Variants in OLA1 observed in about 807,000 individuals in gnomAD.
The protein encoded by OLA1 is Obg like ATPase 1.
OLA1 carries 14 observed loss-of-function variants against 48.4 expected under a neutral mutation model. That is an observed-to-expected ratio of 0.29 (90% confidence interval 0.19 to 0.45). The LOEUF (loss-of-function observed/expected upper bound fraction) is 0.45, where lower values mean the gene tolerates loss of function less well. Ranked by LOEUF, OLA1 falls within the 20% of genes least tolerant of loss-of-function variation. The pLI is 1.00. For missense variants in OLA1, 325 were observed against 467.1 expected, an observed-to-expected ratio of 0.70 and a Z score of 2.80; for synonymous variants, 127 against 150.4, an observed-to-expected ratio of 0.84 and a Z score of 1.14.
At position 174,075,136 on chromosome 2, in the gene OLA1, G is replaced by A. The variant is rs1412934814; in HGVS notation, c.*290C>T. Reference sequence around the variant, plus strand: ...ATGTGTCAGGCTTGGCATACATGATGGAGATTAATGAAGTATCATGAGAGT... The same window carrying A: ...ATGTGTCAGGCTTGGCATACATGATAGAGATTAATGAAGTATCATGAGAGT... On this transcript the variant is annotated 3_prime_UTR_variant, in exon 11 of 11. Coordinates refer to ENST00000284719, the MANE Select transcript of OLA1 (RefSeq NM_013341.5). The A allele has an allele frequency of 3.4e-6, 1 of 290,872 alleles. No individual in the cohort carries two copies. Among genetic ancestry groups the A allele is most frequent in the Non-Finnish European group, 6.5e-6 (1 of 154,450 alleles). The allele number at this position is 290,872 out of a possible 1,614,324, so 18.0% of individuals were successfully genotyped here.
intron 5 of OLA1, among the ~76,000 whole-genome samples, chr2:174,125,355 C>T (rs1686023723): frequency 6.6e-6 from 1 of 152,184 alleles, no homozygotes; most frequent in Admixed American, 6.5e-5. Flanking sequence ...AGAGAGTCCT[C>T]TTTAATGGCT....
chr2:174,163,707 A>C (rs180855736), intron 4 of OLA1, among the ~76,000 whole-genome samples: 1 of 39,994 alleles, frequency 2.5e-5, no homozygotes, highest in Non-Finnish European at 4.5e-5. Context: ...AAAATAAATA[A>C]ATAAATATAT....
At chr2:174,137,885 G>A (rs1686350444) in intron 5 of OLA1, among the ~76,000 whole-genome samples, 1 of 152,176 alleles carries the variant, frequency 6.6e-6, no homozygotes, top group Non-Finnish European at 1.5e-5. Context: ...ATATTAGTCA[G>A]GCATGGTGGT....
intron 4 of OLA1, among the ~76,000 whole-genome samples, chr2:174,183,690 G>C (rs557966809): frequency 1.3e-5 from 2 of 152,292 alleles, no homozygotes; most frequent in South Asian, 4.1e-4. Flanking sequence ...AAAGTGTTAA[G>C]CAAGTCAAAA....
intron 4 of OLA1, among the ~76,000 whole-genome samples, chr2:174,219,822 A>T (rs1219925725): frequency 2.0e-5 from 3 of 151,972 alleles, no homozygotes; most frequent in Non-Finnish European, 4.4e-5. Flanking sequence ...CCCCACCTCA[A>T]CTGTCCATTT....
intron 4 of OLA1, among the ~76,000 whole-genome samples, chr2:174,156,578 C>CTTTT (rs5836451): frequency 4.2e-4 from 31 of 74,194 alleles, no homozygotes; most frequent in East Asian, 2.7e-3. Flanking sequence ...CTCCCACACT[C>CTTTT]TTTTTTTTTT....
chr2:174,112,341 A>G (rs1037289249), intron 7 of OLA1, among the ~76,000 whole-genome samples: 20 of 152,208 alleles, frequency 1.3e-4, no homozygotes, highest in African/African-American at 4.6e-4. Flanking sequence ...TTTCCTTAAA[A>G]TGTGGGTAAT....
At chr2:174,222,219 C>T (rs966482082) in intron 4 of OLA1, among the ~76,000 whole-genome samples, 5 of 151,930 alleles carry the variant, frequency 3.3e-5, no homozygotes, top group South Asian at 2.1e-4. Flanking sequence ...CAAAAAGTAC[C>T]GGCAGAATTT....
intron 4 of OLA1, among the ~76,000 whole-genome samples, chr2:174,152,007 AAGCAATTTG>A (rs1409178242): frequency 2.0e-5 from 3 of 152,362 alleles, no homozygotes; most frequent in East Asian, 1.9e-4. Context: ...TTGGCAACAA[AAGCAATTTG>A]AGCAATTTGA....
intron 4 of OLA1, among the ~76,000 whole-genome samples, chr2:174,203,456 A>G (rs1688033881): frequency 6.9e-6 from 1 of 145,822 alleles, no homozygotes; most frequent in East Asian, 2.2e-4. Flanking sequence ...ACTACTGTCT[A>G]GCTAACATCT....
At chr2:174,244,481 C>T (rs2105468532) in intron 2 of OLA1, among the ~76,000 whole-genome samples, 1 of 152,224 alleles carries the variant, frequency 6.6e-6, no homozygotes, top group Non-Finnish European at 1.5e-5. Context: ...TCCATAGCTG[C>T]AGGGGATTGG....
At chr2:174,130,894 C>A (rs1686165900) in intron 5 of OLA1, among the ~76,000 whole-genome samples, 2 of 152,012 alleles carry the variant, frequency 1.3e-5, no homozygotes, top group African/African-American at 4.8e-5. Flanking sequence ...AGACAGCCAA[C>A]AATGCACTCG....
chr2:174,112,019 T>G (rs978669164), intron 7 of OLA1, among the ~76,000 whole-genome samples: 2 of 152,350 alleles, frequency 1.3e-5, no homozygotes, highest in African/African-American at 2.4e-5. Context: ...AATACCACTC[T>G]CAGTTGGCAT....
intron 4 of OLA1, among the ~76,000 whole-genome samples, chr2:174,169,756 G>A (rs910558844): frequency 1.3e-5 from 2 of 152,178 alleles, no homozygotes; most frequent in Admixed American, 6.5e-5. Context: ...AGATATCTTA[G>A]TAAGTGCAAA....
chr2:174,075,162 A>G lies in OLA1; in HGVS notation c.*264T>C. On this transcript the variant is annotated 3_prime_UTR_variant, in exon 11 of 11. Transcript: ENST00000284719. ...GAGATTAATGAAGTATCATGAGAGTAATATGGTTCCTGAAAAGCTTCTACA... is the reference window on the plus strand; with the variant it reads ...GAGATTAATGAAGTATCATGAGAGTGATATGGTTCCTGAAAAGCTTCTACA... The G allele has an allele frequency of 1.1e-5, 4 of 364,072 alleles. No individual in the cohort carries two copies. In the South Asian group the frequency reaches 1.2e-4, roughly 11 times the overall value. The allele number at this position is 364,072 out of a possible 1,614,324, so 22.6% of individuals were successfully genotyped here.
chr2:174,096,277 G>T (rs1685253795), intron 7 of OLA1, among the ~76,000 whole-genome samples: 1 of 152,178 alleles, frequency 6.6e-6, no homozygotes, highest in Non-Finnish European at 1.5e-5. Context: ...AGGTTGGAGA[G>T]GCAATGGGAA....
At chr2:174,095,472 T>C (rs1179261602) in intron 7 of OLA1, among the ~76,000 whole-genome samples, 1 of 151,962 alleles carries the variant, frequency 6.6e-6, no homozygotes, top group Admixed American at 6.6e-5. Flanking sequence ...TGTTGGCCAC[T>C]TGTATATCTT....
At chr2:174,208,069 A>G (rs1688157273) in intron 4 of OLA1, among the ~76,000 whole-genome samples, 1 of 152,202 alleles carries the variant, frequency 6.6e-6, no homozygotes, top group Admixed American at 6.5e-5. Flanking sequence ...GCTCATAAAT[A>G]CAGTTCACCT....
At position 174,079,024 on chromosome 2, in the gene OLA1, C is replaced by G; in HGVS notation, c.1033G>C (p.Ala345Pro). The stretch of plus-strand genomic sequence containing the variant: ...AAATCTTCGTATTTCATTACTTCAG[C>G]CATAATGAATCCCTTTTCAAAATCT... ...HTDFEKGFIM[A>P]EVMKYEDFKE... The change falls in exon 10 of 11, where the codon GCT becomes CCT. Residue 345 changes from alanine to proline, a missense_variant. Physicochemically the swap from Ala to Pro is conservative, Grantham distance 27. Coordinates refer to ENST00000284719, the MANE Select transcript of OLA1 (RefSeq NM_013341.5). 6.2e-7 allele frequency: 1 copy of G among 1,602,716 alleles called. No individual in the cohort carries two copies.
Sources: allele counts gnomAD v4.1 joint callset (sites outside exome capture counted in the v4.1 genomes callset), GRCh38; gene constraint gnomAD v4.1.1; transcripts MANE v1.5; gene names NCBI Gene and HGNC (gene_info 2026-07-23, HGNC 2026-07-21).